ZNF804B: variants seen among roughly 807,000 people sequenced by gnomAD.
ZNF804B encodes the protein zinc finger protein 804B, also known as zinc finger 804B.
ZNF804B carries 80 observed loss-of-function variants against 101.4 expected under a neutral mutation model. The ratio of observed to expected loss-of-function variants is 0.79; its 90% confidence interval spans 0.66 to 0.95. The LOEUF (loss-of-function observed/expected upper bound fraction) is 0.95, where lower values mean the gene tolerates loss of function less well. Among genes scored for constraint, ZNF804B ranks in the 40% least tolerant of loss-of-function variants. The pLI, the probability that ZNF804B is intolerant of heterozygous loss-of-function variation, is 0.00. For synonymous variants in ZNF804B, 622 were observed against 558.8 expected, an observed-to-expected ratio of 1.11 and a Z score of -1.59; for missense variants, 1,673 against 1,561.9, an observed-to-expected ratio of 1.07 and a Z score of -1.20.
At chr7:88,976,204 T>G (rs1413373074) in intron 1 of ZNF804B, among the ~76,000 whole-genome samples, 1 of 151,734 alleles carries the variant, frequency 6.6e-6, no homozygotes, top group Non-Finnish European at 1.5e-5. Flanking sequence ...GTTTTTGTTC[T>G]TATTGCTCAG....
chr7:88,850,751 G>C (rs1791440378), intron 1 of ZNF804B, among the ~76,000 whole-genome samples: 1 of 151,894 alleles, frequency 6.6e-6, no homozygotes, highest in African/African-American at 2.4e-5. Context: ...ACAATGAATG[G>C]CATTCAAACA....
At chr7:89,241,428 C>G (rs941809147) in intron 2 of ZNF804B, among the ~76,000 whole-genome samples, 2 of 152,046 alleles carry the variant, frequency 1.3e-5, no homozygotes, top group Admixed American at 6.6e-5. Flanking sequence ...ACTATTTACC[C>G]TCAAATCTTT....
chr7:89,300,875 G>A (rs184952985), intron 2 of ZNF804B, among the ~76,000 whole-genome samples: 6 of 151,910 alleles, frequency 3.9e-5, no homozygotes, highest in Non-Finnish European at 7.4e-5. Context: ...GTGGAGGAGG[G>A]TGAAATTGGC....
chr7:88,829,058 G>A (rs1430125181), intron 1 of ZNF804B, among the ~76,000 whole-genome samples: 1 of 152,060 alleles, frequency 6.6e-6, no homozygotes, highest in African/African-American at 2.4e-5. Context: ...ATTATCCTTT[G>A]TCTATTATTA....
chr7:89,140,133 G>A (rs981711842), intron 1 of ZNF804B, among the ~76,000 whole-genome samples: 10 of 151,994 alleles, frequency 6.6e-5, no homozygotes, highest in Non-Finnish European at 1.5e-5. Context: ...CTGTCAATGA[G>A]CAGAAATATT....
chr7:89,015,926 T>G (rs1788547713), intron 1 of ZNF804B, among the ~76,000 whole-genome samples: 1 of 151,238 alleles, frequency 6.6e-6, no homozygotes, highest in South Asian at 2.1e-4. Flanking sequence ...ACTTCCACAA[T>G]GGTTGAACTA....
rs145167942 is a variant in ZNF804B, at chr7:89,301,960, A to T, written c.250-25384A>T. ...ACAAATGATAGGTATCAATATCTTT[A>T]TTAAGGTTCACTTTAAATGCTATGA... is the stretch of plus-strand genomic sequence containing the variant. On this transcript the variant is annotated intron_variant, in intron 2 of 3. Transcript: ENST00000333190. 6.4e-4 allele frequency among the ~76,000 whole-genome samples: 98 copies of T among 152,052 alleles called. No individual in the cohort carries two copies. The East Asian group carries it at 0.014, about 22-fold the overall frequency.
intron 2 of ZNF804B, among the ~76,000 whole-genome samples, chr7:89,287,164 T>C (rs1790212712): frequency 6.6e-6 from 1 of 152,226 alleles, no homozygotes; most frequent in Non-Finnish European, 1.5e-5. Context: ...AAAATATGTG[T>C]TAATGAATGT....
intron 1 of ZNF804B, among the ~76,000 whole-genome samples, chr7:88,848,047 G>A (rs1791400719): frequency 6.6e-6 from 1 of 152,164 alleles, no homozygotes; most frequent in Non-Finnish European, 1.5e-5. Flanking sequence ...TGCCCCCACA[G>A]GGAAATTTGG....
chr7:88,779,107 C>T (rs769158387), intron 1 of ZNF804B, among the ~76,000 whole-genome samples: 17 of 152,178 alleles, frequency 1.1e-4, no homozygotes, highest in Non-Finnish European at 1.8e-4. Context: ...TACTAAATGA[C>T]ATGTCAAGTA....
chr7:88,997,588 A>C (rs906450394), intron 1 of ZNF804B, among the ~76,000 whole-genome samples: 1 of 152,062 alleles, frequency 6.6e-6, no homozygotes, highest in Non-Finnish European at 1.5e-5. Flanking sequence ...CATTTGTATG[A>C]CATCAACATC....
intron 3 of ZNF804B, among the ~76,000 whole-genome samples, chr7:89,327,892 GTCTGGC>G (rs1182877578): frequency 6.6e-6 from 1 of 151,896 alleles, no homozygotes; most frequent in African/African-American, 2.4e-5. Flanking sequence ...CACGATCATT[GTCTGGC>G]TGACAAACAA....
chr7:89,133,296 C>G (rs1790579740), intron 1 of ZNF804B, among the ~76,000 whole-genome samples: 1 of 152,104 alleles, frequency 6.6e-6, no homozygotes, highest in East Asian at 1.9e-4. Context: ...AAAATTTACA[C>G]TATTTTAGTC....
At chr7:89,284,151 G>A (rs760777010) in intron 2 of ZNF804B, among the ~76,000 whole-genome samples, 9 of 152,160 alleles carry the variant, frequency 5.9e-5, no homozygotes, top group African/African-American at 1.2e-4. Flanking sequence ...AAAAGTGACC[G>A]TAGTACATAC....
At chr7:89,208,324 C>T (rs1788748037) in intron 1 of ZNF804B, among the ~76,000 whole-genome samples, 1 of 152,120 alleles carries the variant, frequency 6.6e-6, no homozygotes, top group Non-Finnish European at 1.5e-5. Context: ...CCTCGTGATC[C>T]ACCCGCCTTG....
At chr7:88,760,662 T>C (rs1789881167) in intron 1 of ZNF804B, among the ~76,000 whole-genome samples, 1 of 152,040 alleles carries the variant, frequency 6.6e-6, no homozygotes, top group Admixed American at 6.6e-5. Context: ...TTGTATAATA[T>C]ACAAATATAT....
chr7:89,100,506 A>G (rs893011463), intron 1 of ZNF804B, among the ~76,000 whole-genome samples: 9 of 152,118 alleles, frequency 5.9e-5, no homozygotes, highest in Non-Finnish European at 1.2e-4. Flanking sequence ...CAAAGGAAAC[A>G]ATCAACAAAG....
At chr7:89,187,118 C>T (rs1362165021) in intron 1 of ZNF804B, among the ~76,000 whole-genome samples, 1 of 152,030 alleles carries the variant, frequency 6.6e-6, no homozygotes, top group Non-Finnish European at 1.5e-5. Flanking sequence ...TAGAGATTGG[C>T]TTAATCTTTA....
intron 2 of ZNF804B, among the ~76,000 whole-genome samples, chr7:89,315,933 CTAACTCATATTTATTGTCTGCA>C (rs1175737318): frequency 6.6e-6 from 1 of 152,070 alleles, no homozygotes; most frequent in Non-Finnish European, 1.5e-5. Context: ...GGAGAACTGG[CTAACTCATATTTATTGTCTGCA>C]TTGTAGGAAT....
Sources: allele counts gnomAD v4.1 joint callset (sites outside exome capture counted in the v4.1 genomes callset), GRCh38; gene constraint gnomAD v4.1.1; transcripts MANE v1.5; gene names NCBI Gene and HGNC (gene_info 2026-07-23, HGNC 2026-07-21).